The following LRBA variants were observed in gnomAD, a reference collection of about 807,000 sequenced individuals.
LRBA encodes lipopolysaccharide-responsive and beige-like anchor protein.
A neutral mutation model predicts 330.0 loss-of-function variants in LRBA; 176 were observed. That is an observed-to-expected ratio of 0.53 (90% CI 0.47 to 0.60). LRBA has a LOEUF of 0.60. Ranked by LOEUF, LRBA falls within the 20% of genes least tolerant of loss-of-function variation. The probability of loss-of-function intolerance (pLI) is 0.00; values close to 1 mark genes in which losing one functional copy is unlikely to be tolerated. For synonymous variants in LRBA, 1,230 were observed against 1,193.0 expected (o/e 1.03, Z -0.64); for missense variants, 3,259 against 3,444.8 (o/e 0.95, Z 1.35).
At chr4:150,654,589 A>T (rs1485340587) in intron 37 of LRBA, among the ~76,000 whole-genome samples, 2 of 152,140 alleles carry the variant, frequency 1.3e-5, no homozygotes, top group Admixed American at 1.3e-4. Context: ...CATGGGCACA[A>T]CGTGCAGGTT....
rs111307982 is a variant in LRBA at position 150,523,691 on chromosome 4, C to T, written c.6331-32656G>A. ...GCCAGATTTTACCACCGTCAAGTTA[C>T]CATAATTCACTTCGCATACTCTTTT... On this transcript the variant is annotated intron_variant, in intron 40 of 56. Coordinates refer to ENST00000651943, the MANE Select transcript of LRBA (RefSeq NM_001364905.1). Among the ~76,000 whole-genome samples the T allele has an allele frequency of 5.7e-3, 860 of 152,168 alleles. 11 individuals are homozygous for T. The highest frequency in any genetic ancestry group is 0.018 in the African/African-American group (745 of 41,516).
At chr4:150,877,873 A>C (rs1156569249) in intron 17 of LRBA, among the ~76,000 whole-genome samples, 1 of 152,222 alleles carries the variant, frequency 6.6e-6, no homozygotes, top group African/African-American at 2.4e-5. Context: ...CAATACCAAG[A>C]TGATCTCTCA....
chr4:150,972,285 C>T (rs1739665890), intron 2 of LRBA, among the ~76,000 whole-genome samples: 1 of 151,956 alleles, frequency 6.6e-6, no homozygotes, highest in Non-Finnish European at 1.5e-5. Flanking sequence ...TAAATAGCTT[C>T]AACAAATATA....
At chr4:150,344,245 T>C (rs900267856) in intron 48 of LRBA, among the ~76,000 whole-genome samples, 3 of 152,240 alleles carry the variant, frequency 2.0e-5, no homozygotes, top group African/African-American at 7.2e-5. Context: ...GTGGTGATGC[T>C]TGTACAACTC....
intron 30 of LRBA, 41 bp from the exon 31 acceptor site, chr4:150,817,298 A>T (rs1229061132): frequency 5.1e-6 from 8 of 1,568,890 alleles, no homozygotes; most frequent in Non-Finnish European, 7.0e-6. Flanking sequence ...ATACAAATTG[A>T]TCTCTTGAAT....
At chr4:150,496,436 T>C (rs926520229) in intron 40 of LRBA, among the ~76,000 whole-genome samples, 20 of 152,004 alleles carry the variant, frequency 1.3e-4, no homozygotes, top group African/African-American at 4.8e-4. Flanking sequence ...AAAAAGTAGA[T>C]TTAAAATAGT....
intron 42 of LRBA, among the ~76,000 whole-genome samples, chr4:150,474,580 A>T (rs1411514935): frequency 6.6e-6 from 1 of 152,168 alleles, no homozygotes; most frequent in Non-Finnish European, 1.5e-5. Context: ...GATCTAGGGA[A>T]AACTACCCTA....
chr4:150,582,917 A>G, intron 40 of LRBA: 2 of 1,290,218 alleles, frequency 1.6e-6, no homozygotes, highest in South Asian at 3.0e-5. Context: ...GTAGGGCTTA[A>G]CGGGGAGCGC....
intron 22 of LRBA, among the ~76,000 whole-genome samples, chr4:150,854,691 CAAGAATAA>C (rs1751019266): frequency 6.6e-6 from 1 of 151,864 alleles, no homozygotes; most frequent in Non-Finnish European, 1.5e-5. Flanking sequence ...TGAACAAAGG[CAAGAATAA>C]AAGAGAGAGC....
chr4:150,978,153 G>T (rs1316088877), intron 2 of LRBA, among the ~76,000 whole-genome samples: 2 of 152,228 alleles, frequency 1.3e-5, no homozygotes, highest in Non-Finnish European at 1.5e-5. Flanking sequence ...AGGTGCTTGT[G>T]TCTCCCTACA....
At chr4:150,436,671 C>G in intron 45 of LRBA, 53 bp downstream of exon 45, 1 of 1,510,306 alleles carries the variant, frequency 6.6e-7, no homozygotes, top group Non-Finnish European at 9.0e-7. Context: ...TTTGCATATC[C>G]TTCACAACAC....
intron 37 of LRBA, among the ~76,000 whole-genome samples, chr4:150,633,056 T>G (rs1581868757): frequency 6.6e-6 from 1 of 152,266 alleles, no homozygotes; most frequent in East Asian, 1.9e-4. Context: ...TCCTTTTGAG[T>G]TCTAGAGCCA....
At chr4:150,822,394 C>T (rs1745570069) in intron 30 of LRBA, among the ~76,000 whole-genome samples, 1 of 152,094 alleles carries the variant, frequency 6.6e-6, no homozygotes, top group African/African-American at 2.4e-5. Context: ...ACTATATTAA[C>T]ATATATTAAA....
intron 47 of LRBA, among the ~76,000 whole-genome samples, chr4:150,387,452 T>C (rs1743250457): frequency 6.6e-6 from 1 of 152,194 alleles, no homozygotes; most frequent in Non-Finnish European, 1.5e-5. Context: ...GCTTGATATA[T>C]TTGATAAACT....
intron 37 of LRBA, among the ~76,000 whole-genome samples, chr4:150,643,061 A>G (rs1282694834): frequency 6.6e-6 from 1 of 151,914 alleles, no homozygotes; most frequent in African/African-American, 2.4e-5. Context: ...GGAAATTTAA[A>G]GTTCCCCCTA....
At chr4:150,649,235 C>T (rs191767348) in intron 37 of LRBA, among the ~76,000 whole-genome samples, 86 of 152,268 alleles carry the variant, frequency 5.6e-4, no homozygotes, top group African/African-American at 1.8e-3. Context: ...TTAAACTGTT[C>T]CTGGCTCAGT....
chr4:150,378,680 T>C (rs1741724527), intron 47 of LRBA, among the ~76,000 whole-genome samples: 1 of 152,174 alleles, frequency 6.6e-6, no homozygotes, highest in Admixed American at 6.5e-5. Flanking sequence ...ACAGCTCTGG[T>C]AAACAGAACT....
chr4:150,849,061 T>C (rs1414047696), intron 25 of LRBA, 63 bp from the exon 26 acceptor site: 2 of 1,138,604 alleles, frequency 1.8e-6, no homozygotes, highest in Non-Finnish European at 2.5e-6. Context: ...TTACCAGATA[T>C]AGTCCTAAAA....
At chr4:150,553,767 A>T (rs1240399762) in intron 40 of LRBA, among the ~76,000 whole-genome samples, 1 of 152,208 alleles carries the variant, frequency 6.6e-6, no homozygotes, top group African/African-American at 2.4e-5. Flanking sequence ...GTCTCCAAAT[A>T]TGTTGAGTTT....
Sources: gnomAD v4.1 joint callset for allele counts (sites outside exome capture counted in the v4.1 genomes callset) on GRCh38, gnomAD v4.1.1 for gene constraint, MANE v1.5 for transcripts, NCBI Gene and HGNC (gene_info 2026-07-23, HGNC 2026-07-21) for gene names.